The following CSRNP3 variants were observed in gnomAD, a reference collection of about 807,000 sequenced individuals.
CSRNP3 encodes the protein cysteine/serine-rich nuclear protein 3.
CSRNP3 carries 12 observed loss-of-function variants against 48.0 expected under a neutral mutation model. The observed-to-expected ratio is 0.25, with a 90% CI of 0.16 to 0.41. The LOEUF is 0.41. CSRNP3 is among the 10% of genes least tolerant of loss of function. The pLI, the probability that CSRNP3 is intolerant of heterozygous loss-of-function variation, is 1.00. For missense variants in CSRNP3, 580 were observed against 724.4 expected (o/e 0.80, Z 2.29); for synonymous variants, 263 against 269.7 (o/e 0.98, Z 0.24).
intron 3 of CSRNP3, among the ~76,000 whole-genome samples, chr2:165,552,991 GC>G (rs1364615212): frequency 6.6e-6 from 1 of 152,112 alleles, no homozygotes; most frequent in African/African-American, 2.4e-5. Context: ...AATGTGCCTG[GC>G]CATACCTTCG....
intron 3 of CSRNP3, among the ~76,000 whole-genome samples, chr2:165,529,787 T>A (rs1684787955): frequency 6.6e-6 from 1 of 152,198 alleles, no homozygotes; most frequent in Non-Finnish European, 1.5e-5. Flanking sequence ...GGCACACAGG[T>A]GACTTTGTTG....
At chr2:165,676,279 A>T (rs371828567) in intron 5 of CSRNP3, 33 bp from the exon 6 acceptor site, 1 of 1,587,124 alleles carries the variant, frequency 6.3e-7, no homozygotes, top group African/African-American at 1.4e-5. Context: ...CCTGCCCTTA[A>T]TGAGTCTCTT....
At chr2:165,559,680 T>C (rs1685204837) in intron 3 of CSRNP3, among the ~76,000 whole-genome samples, 1 of 151,982 alleles carries the variant, frequency 6.6e-6, no homozygotes, top group Non-Finnish European at 1.5e-5. Context: ...AATAATACAA[T>C]TAAGACAAGA....
At chr2:165,599,313 G>GGA (rs754114010) in intron 4 of CSRNP3, among the ~76,000 whole-genome samples, 1 of 141,550 alleles carries the variant, frequency 7.1e-6, no homozygotes, top group Non-Finnish European at 1.6e-5. Flanking sequence ...AAGAAAGAAA[G>GGA]AAAGAAAGAA....
chr2:165,687,891 C>T lies in CSRNP3; in HGVS notation c.*8138C>T, dbSNP rs550771796. On this transcript the variant is annotated 3_prime_UTR_variant, in exon 7 of 7. Transcript: ENST00000651982. ...GAACTCACCAGAAGATGAGGAACAC[C>T]CCCGAAATCAATGTTTCCTTTCTCC... The T allele has an allele frequency of 1.8e-4, 27 of 151,966 alleles. No homozygotes were observed. Among genetic ancestry groups the T allele is most frequent in the African/African-American group, 6.5e-4 (27 of 41,468 alleles). The allele number at this position is 151,966 out of a possible 1,614,324, so 9.4% of individuals were successfully genotyped here.
chr2:165,656,688 A>G (rs542186033), intron 4 of CSRNP3, among the ~76,000 whole-genome samples: 41 of 152,296 alleles, frequency 2.7e-4, no homozygotes, highest in Non-Finnish European at 5.1e-4. Context: ...GTTTTATTAG[A>G]TTTAGATTGA....
At chr2:165,625,631 C>T (rs1451508728) in intron 4 of CSRNP3, among the ~76,000 whole-genome samples, 1 of 145,126 alleles carries the variant, frequency 6.9e-6, no homozygotes, top group Non-Finnish European at 1.5e-5. Flanking sequence ...GAGATTCTGT[C>T]AAAAAAAAAG....
At chr2:165,616,025 C>T (rs1005476524) in intron 4 of CSRNP3, among the ~76,000 whole-genome samples, 26 of 151,834 alleles carry the variant, frequency 1.7e-4, no homozygotes, top group African/African-American at 5.3e-4. Flanking sequence ...GCCATCATGC[C>T]CAGCTTCCAT....
At chr2:165,501,998 A>G (rs1558918265) in intron 2 of CSRNP3, among the ~76,000 whole-genome samples, 3 of 152,102 alleles carry the variant, frequency 2.0e-5, no homozygotes, top group Non-Finnish European at 4.4e-5. Context: ...AGAACATTGA[A>G]ATATTTAGAG....
chr2:165,605,049 G>C (rs894589749), intron 4 of CSRNP3, among the ~76,000 whole-genome samples: 1 of 151,896 alleles, frequency 6.6e-6, no homozygotes, highest in African/African-American at 2.4e-5. Flanking sequence ...CTTTCTCCTG[G>C]ACTGCTGCAG....
At chr2:165,535,232 G>A (rs1346820896) in intron 3 of CSRNP3, among the ~76,000 whole-genome samples, 4 of 151,270 alleles carry the variant, frequency 2.6e-5, no homozygotes, top group Non-Finnish European at 5.9e-5. Flanking sequence ...CATATTTTTT[G>A]TAAACATAAG....
At chr2:165,606,294 T>TA (rs1686010589) in intron 4 of CSRNP3, among the ~76,000 whole-genome samples, 1 of 141,298 alleles carries the variant, frequency 7.1e-6, no homozygotes, top group South Asian at 2.3e-4. Flanking sequence ...GAGATATTTG[T>TA]AAATCATTAA....
chr2:165,600,343 T>C, intron 4 of CSRNP3, among the ~76,000 whole-genome samples: 1 of 151,374 alleles, frequency 6.6e-6, no homozygotes, highest in Non-Finnish European at 1.5e-5. Flanking sequence ...TTGTTGGACA[T>C]TTGGGTTGGT....
At chr2:165,541,655 A>C (rs1297855731) in intron 3 of CSRNP3, among the ~76,000 whole-genome samples, 1 of 152,104 alleles carries the variant, frequency 6.6e-6, no homozygotes, top group Admixed American at 6.6e-5. Context: ...ATCTAAATGC[A>C]ATTATACAAT....
chr2:165,635,267 C>T (rs1045686585), intron 4 of CSRNP3, among the ~76,000 whole-genome samples: 1 of 152,200 alleles, frequency 6.6e-6, no homozygotes, highest in Non-Finnish European at 1.5e-5. Flanking sequence ...GTGGGCAGAA[C>T]CTAGACAAAA....
chr2:165,573,749 T>C (rs1685406219), intron 3 of CSRNP3, among the ~76,000 whole-genome samples: 1 of 152,202 alleles, frequency 6.6e-6, no homozygotes. Flanking sequence ...GTGTAGTGAC[T>C]AATATAAATT....
At chr2:165,667,031 G>A (rs1263118261) in intron 5 of CSRNP3, among the ~76,000 whole-genome samples, 2 of 22,506 alleles carry the variant, frequency 8.9e-5, no homozygotes, top group Admixed American at 6.9e-4. Flanking sequence ...AGAGAGAGAG[G>A]AAGAAAGAAA....
At chr2:165,472,258 C>T (rs985264979) in intron 1 of CSRNP3, among the ~76,000 whole-genome samples, 2 of 151,932 alleles carry the variant, frequency 1.3e-5, no homozygotes, top group Non-Finnish European at 2.9e-5. Context: ...TTAAACTTAA[C>T]GTCCAAACCA....
At chr2:165,651,017 G>A (rs1195880948) in intron 4 of CSRNP3, among the ~76,000 whole-genome samples, 1 of 152,272 alleles carries the variant, frequency 6.6e-6, no homozygotes, top group Middle Eastern at 3.4e-3. Flanking sequence ...TTGCTGATAG[G>A]TGTTGACATA....
Sources: allele counts gnomAD v4.1 joint callset (sites outside exome capture counted in the v4.1 genomes callset), GRCh38; gene constraint gnomAD v4.1.1; transcripts MANE v1.5; gene names NCBI Gene and HGNC (gene_info 2026-07-23, HGNC 2026-07-21).